KLHL29: variants seen among roughly 807,000 people sequenced by gnomAD.
The protein encoded by KLHL29 is kelch like family member 29, also known as kelch-like protein 29.
A neutral mutation model predicts 80.4 loss-of-function variants in KLHL29; 21 were observed. The observed-to-expected ratio is 0.26, with a 90% CI of 0.19 to 0.38. The LOEUF is 0.38. Among genes scored for constraint, KLHL29 ranks in the 10% least tolerant of loss-of-function variants. KLHL29 has a pLI of 1.00. For missense variants in KLHL29, 867 were observed against 1,223.9 expected, an observed-to-expected ratio of 0.71 and a Z score of 4.35; for synonymous variants, 511 against 526.8, an observed-to-expected ratio of 0.97 and a Z score of 0.41.
At position 23,696,750 on chromosome 2, in the gene KLHL29, C is replaced by A; in HGVS notation, c.2105+237C>A. 1 of 463,878 alleles carries A rather than the reference C, an allele frequency of 2.2e-6. No individual in the cohort carries two copies. The highest frequency in any genetic ancestry group is 3.8e-6 in the Non-Finnish European group (1 of 263,474). The allele number at this position is 463,878 out of a possible 1,614,324, so 28.7% of individuals were successfully genotyped here. ...GCAGTCGCTGAGATGGGAGATGGGG[C>A]GCTTCTGTCCCGACAACCCATTTAG... On this transcript the variant is annotated intron_variant, in intron 11 of 13. Coordinates refer to ENST00000486442, the MANE Select transcript of KLHL29 (RefSeq NM_052920.2). The surrounding 1 kb of genome is among the most constrained non-coding windows in gnomAD (Gnocchi z 5.5).
chr2:23,497,754 T>G (rs968098170), intron 2 of KLHL29, among the ~76,000 whole-genome samples: 1 of 152,112 alleles, frequency 6.6e-6, no homozygotes, highest in African/African-American at 2.4e-5. Context: ...GGCCTGAGGC[T>G]GGTGCGTGCA....
chr2:23,445,876 C>G (rs1302419128), intron 1 of KLHL29, among the ~76,000 whole-genome samples: 1 of 152,072 alleles, frequency 6.6e-6, no homozygotes, highest in Non-Finnish European at 1.5e-5. Context: ...GGTCTAAGGG[C>G]CATCTCCCCT....
Position 23,576,776 on chromosome 2 carries a change from T to A in KLHL29, c.285+14295T>A, listed in dbSNP as rs548618048. Among the ~76,000 whole-genome samples the A allele has an allele frequency of 3.3e-5, 5 of 152,318 alleles. No homozygotes were observed. In the South Asian group the frequency reaches 1.0e-3, roughly 32 times the overall value. ...GTTTTTCCTCCAAAATCTTCCCAAGTCCAGATATTCTGTGTCCCTCGCCTC... is the reference window on the plus strand; with the variant it reads ...GTTTTTCCTCCAAAATCTTCCCAAGACCAGATATTCTGTGTCCCTCGCCTC... On this transcript the variant is annotated intron_variant, in intron 3 of 13. Transcript: ENST00000486442.
intron 13 of KLHL29, among the ~76,000 whole-genome samples, chr2:23,705,769 G>A (rs1373303499): frequency 6.6e-6 from 1 of 152,214 alleles, no homozygotes; most frequent in Admixed American, 6.5e-5. Context: ...TGAAATGAAA[G>A]AGTGTCAGGG....
intron 2 of KLHL29, among the ~76,000 whole-genome samples, chr2:23,533,636 G>A (rs1013758123): frequency 5.9e-5 from 9 of 152,178 alleles, no homozygotes; most frequent in Admixed American, 2.0e-4. Flanking sequence ...GGGGTGCGGC[G>A]TTTGGGCTGG....
At chr2:23,438,021 T>C (rs576603822) in intron 1 of KLHL29, among the ~76,000 whole-genome samples, 12 of 152,072 alleles carry the variant, frequency 7.9e-5, no homozygotes, top group South Asian at 4.2e-4. Flanking sequence ...GAAGAGGTCC[T>C]TCACATCCCT....
intron 3 of KLHL29, among the ~76,000 whole-genome samples, chr2:23,633,649 G>A (rs1439440623): frequency 6.6e-6 from 1 of 152,104 alleles, no homozygotes; most frequent in Non-Finnish European, 1.5e-5. Context: ...CTGATGGTCT[G>A]GAGGGTCTAA....
chr2:23,412,132 G>C (rs891951267), intron 1 of KLHL29, among the ~76,000 whole-genome samples: 2 of 144,742 alleles, frequency 1.4e-5, no homozygotes, highest in East Asian at 4.0e-4. Context: ...AGGGGGGGGG[G>C]GGGCGGTGCG....
intron 2 of KLHL29, among the ~76,000 whole-genome samples, chr2:23,508,332 A>T (rs1665666547): frequency 6.6e-6 from 1 of 152,226 alleles, no homozygotes; most frequent in Non-Finnish European, 1.5e-5. Context: ...TGGGTGGTCC[A>T]CCTGCAGGGG....
In KLHL29 at chr2:23,520,992, A is replaced by ACCCC. The variant is rs33915683; in HGVS notation, c.-45-41152_-45-41149dup. On this transcript the variant is annotated intron_variant, in intron 2 of 13. Coordinates refer to ENST00000486442, the MANE Select transcript of KLHL29 (RefSeq NM_052920.2). ...TTACTGCTTTCATTTTACAAAGACC[A>ACCCC]CCCCCCCCCCCGCTCCCCCTCAGGG... 9.9e-5 allele frequency among the ~76,000 whole-genome samples: 9 copies of ACCCC among 91,240 alleles called. 1 individual carries two copies. Among genetic ancestry groups the ACCCC allele is most frequent in the African/African-American group, 2.5e-4 (7 of 28,216 alleles). The allele number at this position is 91,240 out of a possible 152,430, so 59.9% of individuals were successfully genotyped here.
rs1289679920 is a variant in KLHL29, at chr2:23,695,605, G to A, written c.1543-18G>A. On this transcript the variant is annotated intron_variant, in intron 8 of 13. Coordinates refer to ENST00000486442, the MANE Select transcript of KLHL29 (RefSeq NM_052920.2). This position sits in a 1 kb window ranked among gnomAD's most constrained non-coding sequence, Gnocchi z 7.6. The stretch of plus-strand genomic sequence containing the variant: ...TCTCTTGCTAGTCTAAGAAGATTCT[G>A]TCTCCTGTACCCTGCAGTACGCGGC... 6.6e-7 allele frequency: 1 copy of A among 1,520,370 alleles called. No homozygotes were observed. Among genetic ancestry groups the A allele is most frequent in the Non-Finnish European group, 8.8e-7 (1 of 1,130,860 alleles). 94.2% of individuals were successfully genotyped at this position (1,520,370 alleles called of 1,614,324 possible). A position where few individuals can be genotyped will look rare whatever the true frequency, so the allele number is the denominator to read the frequency against.
At chr2:23,701,754 G>A (rs983462476) in intron 11 of KLHL29, among the ~76,000 whole-genome samples, 141 of 144,296 alleles carry the variant, frequency 9.8e-4, no homozygotes, top group African/African-American at 3.4e-3. Flanking sequence ...TCTAGATAAA[G>A]CCCAACTCCT....
At chr2:23,396,707 CA>C (rs1169142680) in intron 1 of KLHL29, among the ~76,000 whole-genome samples, 3 of 152,172 alleles carry the variant, frequency 2.0e-5, no homozygotes, top group Non-Finnish European at 4.4e-5. Flanking sequence ...GAATAATATA[CA>C]GACTGCGAAA....
intron 2 of KLHL29, among the ~76,000 whole-genome samples, chr2:23,489,957 AAC>A (rs1665047839): frequency 6.6e-6 from 1 of 152,130 alleles, no homozygotes; most frequent in Admixed American, 6.5e-5. Context: ...CGTTTGAAAA[AAC>A]AGTCTTCTTA....
chr2:23,589,413 G>A (rs1258594214), intron 3 of KLHL29, among the ~76,000 whole-genome samples: 2 of 152,202 alleles, frequency 1.3e-5, no homozygotes, highest in African/African-American at 4.8e-5. Context: ...GGCGGCCCTG[G>A]GCCTGTGGGG....
intron 5 of KLHL29, among the ~76,000 whole-genome samples, chr2:23,645,423 C>T (rs181373788): frequency 5.7e-4 from 87 of 151,990 alleles, no homozygotes; most frequent in African/African-American, 1.9e-3. Flanking sequence ...GGAGGCTCTG[C>T]GTGATGGCGT....
At chr2:23,687,826 G>A (rs377034564) in intron 6 of KLHL29, among the ~76,000 whole-genome samples, 2 of 152,184 alleles carry the variant, frequency 1.3e-5, no homozygotes, top group Non-Finnish European at 2.9e-5. Flanking sequence ...GCTTGCAGGG[G>A]ACGCGGCTGG....
intron 2 of KLHL29, among the ~76,000 whole-genome samples, chr2:23,480,166 T>C (rs1184412372): frequency 6.6e-6 from 1 of 152,222 alleles, no homozygotes; most frequent in Non-Finnish European, 1.5e-5. Flanking sequence ...TCTTAGCCCT[T>C]GGTGCACATT....
intron 2 of KLHL29, among the ~76,000 whole-genome samples, chr2:23,542,212 C>T (rs1666858423): frequency 6.6e-6 from 1 of 152,164 alleles, no homozygotes; most frequent in Non-Finnish European, 1.5e-5. Flanking sequence ...AATACTGTTC[C>T]CTTCCTCTCT....
Sources: allele counts gnomAD v4.1 joint callset (sites outside exome capture counted in the v4.1 genomes callset), GRCh38; gene constraint gnomAD v4.1.1; non-coding constraint Gnocchi (gnomAD v3.1); transcripts MANE v1.5; gene names NCBI Gene and HGNC (gene_info 2026-07-23, HGNC 2026-07-21).